ST18: variants seen among roughly 807,000 people sequenced by gnomAD.
ST18 encodes the protein suppression of tumorigenicity 18 protein.
Under a neutral mutation model 110.0 loss-of-function variants are expected in ST18, and 50 were observed. The observed-to-expected ratio is 0.45, with a 90% confidence interval of 0.36 to 0.58. The LOEUF (loss-of-function observed/expected upper bound fraction) is 0.58. Ranked by LOEUF, ST18 falls within the 20% of genes least tolerant of loss-of-function variation. The pLI, the probability that ST18 is intolerant of heterozygous loss-of-function variation, is 0.00. For synonymous variants in ST18, 461 were observed against 452.4 expected (o/e 1.02, Z -0.24); for missense variants, 1,306 against 1,280.1 (o/e 1.02, Z -0.31).
At chr8:52,317,971 C>A (rs1045695991) in intron 2 of ST18, among the ~76,000 whole-genome samples, 1 of 151,934 alleles carries the variant, frequency 6.6e-6, no homozygotes, top group South Asian at 2.1e-4. Context: ...TAGGCACAGG[C>A]AAAGATTTCA....
chr8:52,170,794 C>G (rs753766786), intron 10 of ST18, among the ~76,000 whole-genome samples: 2 of 152,110 alleles, frequency 1.3e-5, no homozygotes, highest in Non-Finnish European at 2.9e-5. Flanking sequence ...TTTCTCAGCT[C>G]TGAGATGCAA....
intron 8 of ST18, among the ~76,000 whole-genome samples, chr8:52,185,213 G>A (rs994326541): frequency 1.3e-5 from 2 of 151,982 alleles, no homozygotes; most frequent in African/African-American, 4.8e-5. Flanking sequence ...AAATACCTAG[G>A]AATAAATCTA....
chr8:52,350,228 C>CA (rs1819671863), intron 2 of ST18, among the ~76,000 whole-genome samples: 3 of 152,170 alleles, frequency 2.0e-5, no homozygotes, highest in African/African-American at 7.2e-5. Context: ...TAACTCCTTG[C>CA]ATTAGAAGCT....
chr8:52,397,075 G>T (rs1381537175), intron 2 of ST18, among the ~76,000 whole-genome samples: 1 of 152,108 alleles, frequency 6.6e-6, no homozygotes, highest in Non-Finnish European at 1.5e-5. Flanking sequence ...TTTCATAATG[G>T]CTGTATCAAT....
intron 2 of ST18, among the ~76,000 whole-genome samples, chr8:52,240,975 T>C (rs1429353871): frequency 6.6e-6 from 1 of 152,240 alleles, no homozygotes; most frequent in African/African-American, 2.4e-5. Flanking sequence ...TCTCATTCAA[T>C]ATGTACAAGA....
chr8:52,143,108 T>C (rs2055876777), intron 16 of ST18, 63 bp from the exon 17 acceptor site: 3 of 1,054,530 alleles, frequency 2.8e-6, no homozygotes, highest in Non-Finnish European at 4.3e-6. Flanking sequence ...GAAAGACAAC[T>C]AGATTTAAAA....
At chr8:52,306,887 T>C (rs1464968332) in intron 2 of ST18, among the ~76,000 whole-genome samples, 1 of 152,220 alleles carries the variant, frequency 6.6e-6, no homozygotes, top group Non-Finnish European at 1.5e-5. Context: ...CCTAATATAT[T>C]ATATTATCAG....
At chr8:52,174,824 T>A (rs190261179) in intron 9 of ST18, among the ~76,000 whole-genome samples, 46 of 152,264 alleles carry the variant, frequency 3.0e-4, no homozygotes, top group Admixed American at 5.9e-4. Flanking sequence ...CAAACCAACT[T>A]TCCACATTCC....
At position 52,187,124 on chromosome 8, in the gene ST18, C is replaced by T. The variant is rs150927982; in HGVS notation, c.87-6812G>A. Among the ~76,000 whole-genome samples the T allele has an allele frequency of 4.7e-4, 71 of 152,176 alleles. No homozygotes were observed. The East Asian group carries it at 6.9e-3, about 15-fold the overall frequency. The stretch of plus-strand genomic sequence containing the variant: ...TGTGAGCTGCAAATTTCTTTGATTA[C>T]CGAAAGTATTTATAGACTAAAGTCA... On this transcript the variant is annotated intron_variant, in intron 8 of 25. Transcript: ENST00000689386.
chr8:52,374,384 G>A (rs2140687483), intron 2 of ST18, among the ~76,000 whole-genome samples: 1 of 152,200 alleles, frequency 6.6e-6, no homozygotes, highest in East Asian at 1.9e-4. Context: ...CGCCAGCAGT[G>A]GGAGAGGCAG....
intron 5 of ST18, 62 bp from the exon 6 acceptor site, chr8:52,217,963 C>A (rs894439711): frequency 6.6e-6 from 1 of 152,162 alleles, no homozygotes; most frequent in African/African-American, 2.4e-5. Context: ...CTCAGTTTTG[C>A]TTTCATTCAC....
At chr8:52,116,688 T>C (rs754656535) in intron 24 of ST18, among the ~76,000 whole-genome samples, 1 of 152,224 alleles carries the variant, frequency 6.6e-6, no homozygotes, top group Non-Finnish European at 1.5e-5. Context: ...ACTCAACATG[T>C]TTAAAGTAAA....
chr8:52,197,404 C>G (rs1484568741), intron 8 of ST18, among the ~76,000 whole-genome samples: 1 of 152,142 alleles, frequency 6.6e-6, no homozygotes, highest in South Asian at 2.1e-4. Flanking sequence ...CTAATGAAAA[C>G]GATCTCATTT....
chr8:52,271,441 A>G (rs2095073115), intron 2 of ST18, among the ~76,000 whole-genome samples: 1 of 152,172 alleles, frequency 6.6e-6, no homozygotes, highest in Non-Finnish European at 1.5e-5. Context: ...CTAGGGGCTT[A>G]CCAATATATA....
At chr8:52,337,435 C>G (rs1000688544) in intron 2 of ST18, among the ~76,000 whole-genome samples, 8 of 152,170 alleles carry the variant, frequency 5.3e-5, no homozygotes, top group African/African-American at 1.9e-4. Context: ...CCACCCTGGA[C>G]GAGTGAAAAG....
intron 2 of ST18, among the ~76,000 whole-genome samples, chr8:52,280,155 G>C (rs6989181): frequency 6.6e-6 from 1 of 151,726 alleles, no homozygotes; most frequent in African/African-American, 2.4e-5. Flanking sequence ...AGGAATAACC[G>C]CTAAAAAAAT....
At chr8:52,263,915 C>T (rs1477047696) in intron 2 of ST18, among the ~76,000 whole-genome samples, 1 of 151,434 alleles carries the variant, frequency 6.6e-6, no homozygotes, top group Non-Finnish European at 1.5e-5. Context: ...TCTCCTGCCT[C>T]AGCCTCCTGA....
chr8:52,321,228 G>T (rs959642073), intron 2 of ST18, among the ~76,000 whole-genome samples: 2 of 152,150 alleles, frequency 1.3e-5, no homozygotes, highest in Admixed American at 1.3e-4. Flanking sequence ...GGACAAGGGG[G>T]CGTGGCCAGG....
At chr8:52,408,311 T>A (rs1845231770) in intron 2 of ST18, among the ~76,000 whole-genome samples, 1 of 152,220 alleles carries the variant, frequency 6.6e-6, no homozygotes, top group Admixed American at 6.5e-5. Context: ...GCAATTTATC[T>A]GAAATAGTTA....
Sources: gnomAD v4.1 joint callset for allele counts (sites outside exome capture counted in the v4.1 genomes callset) on GRCh38, gnomAD v4.1.1 for gene constraint, MANE v1.5 for transcripts, NCBI Gene and HGNC (gene_info 2026-07-23, HGNC 2026-07-21) for gene names.